STRN3: variants seen among roughly 807,000 people sequenced by gnomAD.
The protein encoded by STRN3 is striatin-3.
STRN3 carries 29 observed loss-of-function variants against 95.6 expected under a neutral mutation model. The ratio of observed to expected loss-of-function variants is 0.30; its 90% CI spans 0.23 to 0.41. The LOEUF is 0.41. Among genes scored for constraint, STRN3 ranks in the 10% least tolerant of loss-of-function variants. The pLI is 1.00. For synonymous variants in STRN3, 331 were observed against 357.6 expected, an observed-to-expected ratio of 0.93 and a Z score of 0.84; for missense variants, 890 against 972.1, an observed-to-expected ratio of 0.92 and a Z score of 1.12.
At chr14:31,003,609 C>G (rs560113777) in intron 1 of STRN3, among the ~76,000 whole-genome samples, 2 of 152,204 alleles carry the variant, frequency 1.3e-5, no homozygotes, top group South Asian at 2.1e-4. Flanking sequence ...GCACTGCTTT[C>G]TTTTGCCTTC....
intron 3 of STRN3, 53 bp downstream of exon 3, chr14:30,955,567 T>C: frequency 6.9e-7 from 1 of 1,447,666 alleles, no homozygotes; most frequent in Non-Finnish European, 9.4e-7. Flanking sequence ...AACATGTCTG[T>C]TACATAAAAA....
At chr14:30,920,508 A>C (rs1264534155) in intron 8 of STRN3, among the ~76,000 whole-genome samples, 1 of 152,148 alleles carries the variant, frequency 6.6e-6, no homozygotes, top group Non-Finnish European at 1.5e-5. Context: ...AATGACTACC[A>C]CCACCATTTA....
At chr14:31,007,032 C>G (rs1594574859) in intron 1 of STRN3, among the ~76,000 whole-genome samples, 1 of 152,092 alleles carries the variant, frequency 6.6e-6, no homozygotes, top group South Asian at 2.1e-4. Context: ...TTCCAAACTA[C>G]CAATCAAGTG....
At chr14:31,021,601 C>T (rs1285050000) in intron 1 of STRN3, among the ~76,000 whole-genome samples, 1 of 152,080 alleles carries the variant, frequency 6.6e-6, no homozygotes, top group African/African-American at 2.4e-5. Flanking sequence ...CAGAACCCCA[C>T]ATAATAACAA....
At position 30,947,283 on chromosome 14, in the gene STRN3, T is replaced by C. The variant is rs1344616676; in HGVS notation, c.543-20A>G. 6.5e-7 allele frequency: 1 copy of C among 1,549,118 alleles called. No individual in the cohort carries two copies. The highest frequency in any genetic ancestry group is 1.4e-5 in the African/African-American group (1 of 72,008). On this transcript the variant is annotated intron_variant, in intron 4 of 17. Coordinates refer to ENST00000357479, the MANE Select transcript of STRN3 (RefSeq NM_001083893.2). Reference sequence around the variant, plus strand: ...AGATACCTGTAAGAGAAAATAAATATTAAAATCCACATACTGTTAACATGT... The same window carrying C: ...AGATACCTGTAAGAGAAAATAAATACTAAAATCCACATACTGTTAACATGT...
intron 8 of STRN3, among the ~76,000 whole-genome samples, chr14:30,928,263 C>G (rs1268582617): frequency 6.6e-6 from 1 of 152,180 alleles, no homozygotes; most frequent in Non-Finnish European, 1.5e-5. Context: ...GAAAGAAACT[C>G]GCACACGTTT....
chr14:30,997,738 G>A (rs1387603232), intron 1 of STRN3, among the ~76,000 whole-genome samples: 2 of 152,104 alleles, frequency 1.3e-5, no homozygotes, highest in Non-Finnish European at 2.9e-5. Flanking sequence ...AACCCTCTAA[G>A]CTCAGAGTAG....
chr14:30,991,180 G>A lies in STRN3; in HGVS notation c.282+34724C>T, dbSNP rs995298798. Among the ~76,000 whole-genome samples, 4 of 152,126 alleles carry A rather than the reference G, an allele frequency of 2.6e-5. 1 individual carries two copies. The highest frequency in any genetic ancestry group is 1.5e-5 in the Non-Finnish European group (1 of 68,030). ...TGGTTTGAAGTTCCTACTATTAAGA[G>A]GTCATGTGGAGTAGGGCAAGGTATG... is the stretch of plus-strand genomic sequence containing the variant. On this transcript the variant is annotated intron_variant, in intron 1 of 17. Transcript: ENST00000357479.
At chr14:30,982,098 CAAAA>C (rs11451891) in intron 1 of STRN3, among the ~76,000 whole-genome samples, 31 of 75,540 alleles carry the variant, frequency 4.1e-4, no homozygotes, top group East Asian at 3.2e-3. Flanking sequence ...CTCTGTCTCA[CAAAA>C]AAAAAAAAAA....
chr14:30,987,983 G>A (rs1431089616), intron 1 of STRN3, among the ~76,000 whole-genome samples: 3 of 152,210 alleles, frequency 2.0e-5, no homozygotes, highest in South Asian at 2.1e-4. Flanking sequence ...TGAATCGCCC[G>A]CCTAGGCCTC....
At chr14:30,906,647 G>GT (rs1460725361) in intron 14 of STRN3, among the ~76,000 whole-genome samples, 2 of 152,040 alleles carry the variant, frequency 1.3e-5, no homozygotes, top group Non-Finnish European at 2.9e-5. Flanking sequence ...ATATACAATA[G>GT]TTTTACATTT....
intron 1 of STRN3, among the ~76,000 whole-genome samples, chr14:30,979,596 TTTTA>T (rs775728067): frequency 6.6e-6 from 1 of 152,080 alleles, no homozygotes; most frequent in African/African-American, 2.4e-5. Flanking sequence ...GACATTTTAT[TTTTA>T]TTTATTTATT....
intron 4 of STRN3, among the ~76,000 whole-genome samples, chr14:30,950,151 T>C (rs61508230): frequency 0.095 from 14,474 of 152,006 alleles, 747 homozygotes; most frequent in South Asian, 0.16. Flanking sequence ...AGAAAAATTA[T>C]ATAGTTAAGG....
chr14:30,979,033 CAAAAAAAAAAA>C (rs10585744), intron 1 of STRN3, among the ~76,000 whole-genome samples: 3 of 65,476 alleles, frequency 4.6e-5, no homozygotes, highest in African/African-American at 2.0e-4. Flanking sequence ...GACTCCATCT[CAAAAAAAAAAA>C]AAAAAAAAAA....
intron 10 of STRN3, 124 bp from the exon 11 acceptor site, chr14:30,912,306 G>A: frequency 3.5e-6 from 3 of 858,738 alleles, no homozygotes; most frequent in Non-Finnish European, 5.0e-6. Context: ...AAAATGTCCA[G>A]TGGAAATTTA....
chr14:30,957,379 G>C (rs1324508139), intron 1 of STRN3, among the ~76,000 whole-genome samples: 1 of 150,650 alleles, frequency 6.6e-6, no homozygotes, highest in African/African-American at 2.4e-5. Flanking sequence ...CGTGAACCCA[G>C]GAAGTGGAGC....
chr14:31,021,774 C>A (rs938291262), intron 1 of STRN3, among the ~76,000 whole-genome samples: 3 of 152,104 alleles, frequency 2.0e-5, no homozygotes, highest in Non-Finnish European at 1.5e-5. Context: ...ATTTGAAGGT[C>A]AATCATGAAC....
At chr14:31,025,739 G>C in intron 1 of STRN3, 165 bp downstream of exon 1, 1 of 916,470 alleles carries the variant, frequency 1.1e-6, no homozygotes, top group African/African-American at 1.7e-5. Flanking sequence ...GAGGGAGGGG[G>C]ACTCCAGGAA....
intron 14 of STRN3, among the ~76,000 whole-genome samples, chr14:30,906,150 CTAT>C (rs1161154742): frequency 2.0e-5 from 3 of 152,120 alleles, no homozygotes; most frequent in African/African-American, 7.2e-5. Context: ...TGGAGCCAAG[CTAT>C]TAACTATCTA....
Sources: allele counts gnomAD v4.1 joint callset (sites outside exome capture counted in the v4.1 genomes callset), GRCh38; gene constraint gnomAD v4.1.1; transcripts MANE v1.5; gene names NCBI Gene and HGNC (gene_info 2026-07-23, HGNC 2026-07-21).